Variants in FRMD4B observed in about 807,000 individuals in gnomAD.
FRMD4B encodes the protein FERM domain containing 4B.
FRMD4B carries 74 observed loss-of-function variants against 141.5 expected under a neutral mutation model. The ratio of observed to expected loss-of-function variants is 0.52; its 90% CI spans 0.43 to 0.63. The LOEUF is 0.63. Among genes scored for constraint, FRMD4B ranks in the 30% least tolerant of loss-of-function variants. The pLI is 0.00. For synonymous variants in FRMD4B, 506 were observed against 467.9 expected (o/e 1.08, Z -1.05); for missense variants, 1,366 against 1,253.4 (o/e 1.09, Z -1.36).
At chr3:69,264,900 C>T (rs1214696051) in intron 5 of FRMD4B, among the ~76,000 whole-genome samples, 1 of 152,016 alleles carries the variant, frequency 6.6e-6, no homozygotes, top group South Asian at 2.1e-4. Flanking sequence ...TAGGAATAAA[C>T]GGAGACAGAG....
At chr3:69,275,442 CTTTT>C (rs11405908) in intron 5 of FRMD4B, among the ~76,000 whole-genome samples, 1 of 141,762 alleles carries the variant, frequency 7.1e-6, no homozygotes, top group Admixed American at 7.1e-5. Context: ...CTCTCTCTCT[CTTTT>C]TTTTTTTTTT....
At chr3:69,525,221 G>A (rs1401561917) in intron 1 of FRMD4B, among the ~76,000 whole-genome samples, 1 of 152,216 alleles carries the variant, frequency 6.6e-6, no homozygotes, top group African/African-American at 2.4e-5. Context: ...TTATCCTCCT[G>A]GCTCTTGGCC....
chr3:69,522,413 G>C (rs959389479), intron 1 of FRMD4B, among the ~76,000 whole-genome samples: 2 of 152,058 alleles, frequency 1.3e-5, no homozygotes, highest in Non-Finnish European at 2.9e-5. Context: ...GTTACTATGG[G>C]CAAGGCATAG....
At chr3:69,458,586 T>C (rs1471024340) in intron 1 of FRMD4B, among the ~76,000 whole-genome samples, 1 of 152,098 alleles carries the variant, frequency 6.6e-6, no homozygotes, top group Non-Finnish European at 1.5e-5. Flanking sequence ...TTTGAAGATT[T>C]CAAAAAATAT....
intron 2 of FRMD4B, among the ~76,000 whole-genome samples, chr3:69,413,953 A>T (rs1005832759): frequency 6.6e-6 from 1 of 151,848 alleles, no homozygotes; most frequent in African/African-American, 2.4e-5. Context: ...GCCTTTGGGG[A>T]TTTGGAACCT....
At chr3:69,336,888 G>T (rs975359235) in intron 1 of FRMD4B, among the ~76,000 whole-genome samples, 2 of 152,310 alleles carry the variant, frequency 1.3e-5, no homozygotes, top group South Asian at 4.1e-4. Flanking sequence ...AGGTTGCAGT[G>T]AGCCAAGATC....
intron 2 of FRMD4B, among the ~76,000 whole-genome samples, chr3:69,422,111 C>T (rs911542511): frequency 1.1e-4 from 16 of 152,206 alleles, no homozygotes; most frequent in Admixed American, 3.3e-4. Flanking sequence ...GGAGAGGGGC[C>T]GGGCGTGGTG....
At chr3:69,482,654 C>G (rs1421176982) in intron 1 of FRMD4B, among the ~76,000 whole-genome samples, 1 of 152,158 alleles carries the variant, frequency 6.6e-6, no homozygotes, top group Non-Finnish European at 1.5e-5. Context: ...TTCCTTTTAA[C>G]TGAAGAATCA....
At chr3:69,262,472 T>G (rs1166413558) in intron 5 of FRMD4B, among the ~76,000 whole-genome samples, 1 of 145,562 alleles carries the variant, frequency 6.9e-6, no homozygotes, top group African/African-American at 2.6e-5. Context: ...TTTTTTTTTT[T>G]TTTTTTTTTT....
chr3:69,539,840 A>AGTGTGTGT (rs147346385), intron 1 of FRMD4B, among the ~76,000 whole-genome samples: 1 of 150,764 alleles, frequency 6.6e-6, no homozygotes, highest in African/African-American at 2.4e-5. Context: ...GTGTTCAAAC[A>AGTGTGTGT]GTGTGTGTGT....
rs1032237810 is a variant in FRMD4B at position 69,313,507 on chromosome 3, C to G, written c.173G>C (p.Gly58Ala). ...CAGGAGGTGCACCTGGCAGTGCCTGCCTTCTGTCATCTGCAGGAACAAGAC... is the reference window on the plus strand; with the variant it reads ...CAGGAGGTGCACCTGGCAGTGCCTGGCTTCTGTCATCTGCAGGAACAAGAC... Reference protein sequence around the residue: ...GLQDVYQMTEGRHCQVHLLDD... With the variant: ...GLQDVYQMTEARHCQVHLLDD... The change falls in exon 2 of 23, where the codon GGC (glycine) becomes GCC (alanine). Residue 58 changes from glycine to alanine, a missense_variant. Physicochemically the swap from Gly to Ala is moderately conservative, Grantham distance 60. Transcript: ENST00000398540. 6.4e-7 allele frequency: 1 copy of G among 1,568,418 alleles called. No individual in the cohort carries two copies. The highest frequency in any genetic ancestry group is 1.9e-5 in the Admixed American group (1 of 53,614).
intron 7 of FRMD4B, among the ~76,000 whole-genome samples, chr3:69,226,659 A>G (rs921224986): frequency 6.6e-6 from 1 of 152,200 alleles, no homozygotes; most frequent in Non-Finnish European, 1.5e-5. Context: ...ATTACAGTTA[A>G]TTCTGTGGCA....
chr3:69,293,357 T>C (rs2107112232), intron 4 of FRMD4B, among the ~76,000 whole-genome samples: 1 of 151,888 alleles, frequency 6.6e-6, no homozygotes, highest in African/African-American at 2.4e-5. Flanking sequence ...AGTCTTGAGG[T>C]CTTGGGGTAG....
At chr3:69,362,623 G>A (rs6783290) in intron 1 of FRMD4B, among the ~76,000 whole-genome samples, 150,992 of 151,862 alleles carry the variant, frequency 0.99, 75,070 homozygotes, top group Middle Eastern at 1. Flanking sequence ...GTTGCAGTGA[G>A]CCGGGATCGT....
intron 1 of FRMD4B, among the ~76,000 whole-genome samples, chr3:69,339,932 G>C (rs1702679281): frequency 6.6e-6 from 1 of 151,882 alleles, no homozygotes; most frequent in African/African-American, 2.4e-5. Context: ...AATTCAATCA[G>C]AAAAAAACTC....
intron 5 of FRMD4B, among the ~76,000 whole-genome samples, chr3:69,267,630 TATATATAGAGAGAGAGAGAGAGAGAGAG>T (rs2093572536): frequency 1.1e-3 from 12 of 10,910 alleles, no homozygotes; most frequent in African/African-American, 2.8e-3. Flanking sequence ...TATATATATA[TATATATAGAGAGAGAGAGAGAGAGAGAG>T]AGAGAGAGAG....
chr3:69,219,850 C>T (rs1294536062), intron 9 of FRMD4B, among the ~76,000 whole-genome samples: 1 of 152,158 alleles, frequency 6.6e-6, no homozygotes, highest in Admixed American at 6.5e-5. Flanking sequence ...TCAGCTCCTA[C>T]TGATAAGTGA....
intron 1 of FRMD4B, among the ~76,000 whole-genome samples, chr3:69,531,908 A>G (rs1201996784): frequency 1.3e-5 from 2 of 152,212 alleles, no homozygotes; most frequent in African/African-American, 4.8e-5. Flanking sequence ...TGGATGCCCC[A>G]TTCTTTCAGG....
intron 1 of FRMD4B, among the ~76,000 whole-genome samples, chr3:69,464,044 G>A (rs1705743935): frequency 6.6e-6 from 1 of 152,202 alleles, no homozygotes; most frequent in African/African-American, 2.4e-5. Context: ...GAAAAGTACA[G>A]TACACCCTTT....
Sources: allele counts gnomAD v4.1 joint callset (sites outside exome capture counted in the v4.1 genomes callset), GRCh38; gene constraint gnomAD v4.1.1; transcripts MANE v1.5; gene names NCBI Gene and HGNC (gene_info 2026-07-23, HGNC 2026-07-21).